Variants in SF3B1 observed in about 807,000 individuals in gnomAD.
The protein encoded by SF3B1 is pre-mRNA processing 10.
In SF3B1, 12 loss-of-function variants were observed where a neutral mutation model predicts 153.8. That is an observed-to-expected ratio of 0.08 (90% CI 0.05 to 0.13). SF3B1 has a LOEUF of 0.13. Ranked by LOEUF, SF3B1 falls within the 10% of genes least tolerant of loss-of-function variation. The pLI, the probability that SF3B1 is intolerant of heterozygous loss-of-function variation, is 1.00. For missense variants in SF3B1, 513 were observed against 1,606.1 expected (o/e 0.32, Z 11.63); for synonymous variants, 498 against 525.2 (o/e 0.95, Z 0.71).
intron 1 of SF3B1, among the ~76,000 whole-genome samples, chr2:197,431,008 T>C (rs780010547): frequency 6.6e-6 from 1 of 152,070 alleles, no homozygotes; most frequent in African/African-American, 2.4e-5. Flanking sequence ...GAAAAACAAT[T>C]CATATCACTG....
intron 9 of SF3B1, 113 bp from the exon 10 acceptor site, chr2:197,405,585 T>G: frequency 1.4e-6 from 1 of 713,908 alleles, no homozygotes; most frequent in South Asian, 1.9e-5. Flanking sequence ...TTTTATTTGC[T>G]TGGAGACAAC....
chr2:197,396,579 TTTAAG>T (rs779158799), intron 22 of SF3B1, among the ~76,000 whole-genome samples: 7 of 152,322 alleles, frequency 4.6e-5, no homozygotes, highest in African/African-American at 1.4e-4. Context: ...TTCTAAACAT[TTTAAG>T]TTAACTCAAT....
intron 7 of SF3B1, among the ~76,000 whole-genome samples, chr2:197,409,325 G>A (rs903782312): frequency 2.6e-5 from 4 of 152,090 alleles, no homozygotes; most frequent in African/African-American, 7.2e-5. Context: ...GCCTGAATCC[G>A]GGAGGTGGAG....
intron 12 of SF3B1, 104 bp downstream of exon 12, chr2:197,403,481 A>G: frequency 1.5e-6 from 1 of 672,142 alleles, no homozygotes. Context: ...TATGGTGTGT[A>G]CTTGTGCAAA....
At chr2:197,423,681 A>G in intron 2 of SF3B1, 127 bp downstream of exon 2, 1 of 776,184 alleles carries the variant, frequency 1.3e-6, no homozygotes, top group Non-Finnish European at 2.1e-6. Context: ...TACCTCCAGT[A>G]GTTTTATCCT....
chr2:197,399,317 C>G (rs1417549322), intron 20 of SF3B1, among the ~76,000 whole-genome samples: 1 of 152,118 alleles, frequency 6.6e-6, no homozygotes, highest in Non-Finnish European at 1.5e-5. Flanking sequence ...TGAGGAAAAA[C>G]AAACAGTGGC....
At position 197,398,697 on chromosome 2, in the gene SF3B1, G is replaced by C. The variant is rs1255129747; in HGVS notation, c.3014-116C>G. On this transcript the variant is annotated intron_variant, in intron 20 of 24. Coordinates refer to ENST00000335508, the MANE Select transcript of SF3B1 (RefSeq NM_012433.4). ...ATAAATATAAACTTACAGCTGCCTA[G>C]GGAAAGAGAAAGCCCCAGATTCTGA... 20 of 968,536 alleles carry C rather than the reference G, an allele frequency of 2.1e-5. No homozygotes were observed. The Admixed American group carries it at 5.3e-4, about 26-fold the overall frequency. The allele number at this position is 968,536 out of a possible 1,614,324, so 60.0% of individuals were successfully genotyped here.
Position 197,420,484 on chromosome 2 carries a change from T to C in SF3B1, c.359A>G (p.Lys120Arg). 1 of 1,613,628 alleles carries C rather than the reference T, an allele frequency of 6.2e-7. No homozygotes were observed. The highest frequency in any genetic ancestry group is 8.5e-7 in the Non-Finnish European group (1 of 1,179,616). ...PKIADREDEY[K>R]KHRRTMIISP... ...AATTATCATGGTCCGCCTATGCTTT[T>C]TGTATTCATCTTCCCGGTCTGCAAT... Residue 120 changes from lysine (K) to arginine (R), a missense_variant, in exon 4 of 25, where the codon AAA (lysine) becomes AGA (arginine). Lys to Arg is a conservative substitution (Grantham distance 26). Transcript: ENST00000335508.
chr2:197,416,020 G>A lies in SF3B1; in HGVS notation c.666+721C>T, dbSNP rs189596652. Reference sequence around the variant, plus strand: ...TTTTGTAAAGACAGGGTCTCCCTCTGTTGCCCAAGCTGGTCTCAAACTCCT... The same window carrying A: ...TTTTGTAAAGACAGGGTCTCCCTCTATTGCCCAAGCTGGTCTCAAACTCCT... On this transcript the variant is annotated intron_variant, in intron 6 of 24. Coordinates refer to ENST00000335508, the MANE Select transcript of SF3B1 (RefSeq NM_012433.4). Among the ~76,000 whole-genome samples the A allele has an allele frequency of 2.3e-5, 3 of 131,108 alleles. No homozygotes were observed. The East Asian group carries it at 6.6e-4, about 29-fold the overall frequency. The allele number at this position is 131,108 out of a possible 152,430, so 86.0% of individuals were successfully genotyped here.
Position 197,409,885 on chromosome 2 carries a change from C to T in SF3B1, c.789G>A (p.Ala263=), listed in dbSNP as rs769954573. Residue 263 remains alanine (A), a synonymous_variant, in exon 7 of 25, where the codon GCG becomes GCA. Transcript: ENST00000335508. ...IWDPTPSHTP[A]GAATPGRGDT... ...CACCTCGTCCAGGAGTAGCAGCTCCCGCTGGTGTGTGGCTAGGTGTAGGAT... is the reference window on the plus strand; with the variant it reads ...CACCTCGTCCAGGAGTAGCAGCTCCTGCTGGTGTGTGGCTAGGTGTAGGAT... 8.1e-6 allele frequency: 13 copies of T among 1,614,146 alleles called. No individual in the cohort carries two copies. Among genetic ancestry groups the T allele is most frequent in the Middle Eastern group, 3.3e-4 (2 of 6,062 alleles).
In SF3B1 at chr2:197,400,597, G is replaced by T; in HGVS notation, c.2718+118C>A. On this transcript the variant is annotated intron_variant, in intron 18 of 24. Coordinates refer to ENST00000335508, the MANE Select transcript of SF3B1 (RefSeq NM_012433.4). The surrounding 1 kb of genome is among the most constrained non-coding windows in gnomAD (Gnocchi z 5.0). ...GAATAATATCGTTTGGTAACCCCCT[G>T]AGCATTTTAAAAATTACTTCAAATT... The T allele has an allele frequency of 9.8e-7, 1 of 1,020,038 alleles. No individual in the cohort carries two copies. Among genetic ancestry groups the T allele is most frequent in the Non-Finnish European group, 1.4e-6 (1 of 701,506 alleles). 63.2% of individuals were successfully genotyped at this position (1,020,038 alleles called of 1,614,324 possible).
At chr2:197,398,631 T>C (rs1298899853) in intron 20 of SF3B1, 50 bp from the exon 21 acceptor site, 1 of 1,562,976 alleles carries the variant, frequency 6.4e-7, no homozygotes, top group South Asian at 1.1e-5. Flanking sequence ...GCAACTTTTG[T>C]TCACTTTCCT....
chr2:197,420,875 C>A (rs929616900), intron 3 of SF3B1, among the ~76,000 whole-genome samples, 154 bp downstream of exon 3: 13 of 152,058 alleles, frequency 8.5e-5, no homozygotes, highest in Non-Finnish European at 4.4e-5. Flanking sequence ...GACAGCAAAA[C>A]CTTGTGTCAA....
intron 23 of SF3B1, among the ~76,000 whole-genome samples, chr2:197,395,409 T>C (rs910099007): frequency 3.3e-5 from 5 of 152,236 alleles, no homozygotes; most frequent in Non-Finnish European, 2.9e-5. Context: ...TGGGCTCTGA[T>C]TTGAGTAACT....
At chr2:197,422,546 T>TATA (rs901025641) in intron 2 of SF3B1, among the ~76,000 whole-genome samples, 1 of 151,624 alleles carries the variant, frequency 6.6e-6, no homozygotes, top group African/African-American at 2.4e-5. Flanking sequence ...GAATTTAAAG[T>TATA]ATAATAATAA....
In SF3B1 at chr2:197,421,048, A is replaced by G; in HGVS notation, c.281T>C (p.Ile94Thr). Residue 94 changes from isoleucine to threonine, a missense_variant, in exon 3 of 25, where the codon ATA becomes ACA. By Grantham distance (89) the Ile-to-Thr change is moderately conservative (BLOSUM62 -1). Coordinates refer to ENST00000335508, the MANE Select transcript of SF3B1 (RefSeq NM_012433.4). The stretch of plus-strand genomic sequence containing the variant: ...GATCACCTGTTCTGTTGACTGTGGT[A>G]TATCATTAAGCAATGCCACAGGGGC... ...YHAPVALLND[I>T]PQSTEQYDPF... is the part of the protein sequence containing the mutation. The G allele has an allele frequency of 1.2e-6, 2 of 1,608,182 alleles. No homozygotes were observed. The highest frequency in any genetic ancestry group is 1.7e-6 in the Non-Finnish European group (2 of 1,175,474).
intron 2 of SF3B1, among the ~76,000 whole-genome samples, chr2:197,421,613 A>G (rs2085243733): frequency 1.3e-5 from 2 of 152,208 alleles, no homozygotes; most frequent in South Asian, 4.1e-4. Context: ...TTTCTAGTAT[A>G]AAAAGTACAA....
In SF3B1 at chr2:197,423,822, T is replaced by C; in HGVS notation, c.181A>G (p.Thr61Ala). ...FAGYVTSIAA[T>A]ELEDDDDDYS... ...TTGTAACTTACATCTTCAAGTTCAG[T>C]TGCAGCAATTGATGTCACGTATCCA... The change falls in exon 2 of 25, where the codon ACT becomes GCT. Residue 61 changes from threonine to alanine, a missense_variant. Transcript: ENST00000335508. 1 of 1,613,540 alleles carries C rather than the reference T, an allele frequency of 6.2e-7. No homozygotes were observed. The highest frequency in any genetic ancestry group is 8.5e-7 in the Non-Finnish European group (1 of 1,179,864).
rs370082747 is a variant in SF3B1, at chr2:197,416,888, T to C, written c.519A>G (p.Ala173=). Residue 173 remains alanine, a synonymous_variant, in exon 6 of 25, where the codon GCA becomes GCG. Coordinates refer to ENST00000335508, the MANE Select transcript of SF3B1 (RefSeq NM_012433.4). ...TTAGTTCTCCAGCTTTAGCTTTTTC[T>C]GCTAGCTGTTGCCTAATTTCTCGCT... ...KEEREIRQQL[A]EKAKAGELKV... 2 of 1,612,896 alleles carry C rather than the reference T, an allele frequency of 1.2e-6. No individual in the cohort carries two copies. Among genetic ancestry groups the C allele is most frequent in the Non-Finnish European group, 1.7e-6 (2 of 1,179,466 alleles).
Sources: gnomAD v4.1 joint callset for allele counts (sites outside exome capture counted in the v4.1 genomes callset) on GRCh38, gnomAD v4.1.1 for gene constraint, Gnocchi (gnomAD v3.1) non-coding constraint, MANE v1.5 for transcripts, NCBI Gene and HGNC (gene_info 2026-07-23, HGNC 2026-07-21) for gene names.